ATP9A: variants seen among roughly 807,000 people sequenced by gnomAD.
ATP9A encodes ATPase phospholipid transporting 9A, also known as probable phospholipid-transporting ATPase IIA.
ATP9A carries 52 observed loss-of-function variants against 144.1 expected under a neutral mutation model. The observed-to-expected ratio is 0.36, with a 90% CI of 0.29 to 0.45. ATP9A has a LOEUF of 0.45. Among genes scored for constraint, ATP9A ranks in the 20% least tolerant of loss-of-function variants. ATP9A has a pLI of 1.00. For missense variants in ATP9A, 947 were observed against 1,392.7 expected (o/e 0.68, Z 5.09); for synonymous variants, 582 against 557.4 (o/e 1.04, Z -0.62).
chr20:51,651,893 G>T (rs1324966333), intron 14 of ATP9A, among the ~76,000 whole-genome samples: 1 of 151,978 alleles, frequency 6.6e-6, no homozygotes, highest in East Asian at 1.9e-4. Flanking sequence ...CACACCACTG[G>T]GCGACAGAGC....
At chr20:51,657,206 AG>A in intron 13 of ATP9A, 56 bp from the exon 14 acceptor site, 3 of 1,479,820 alleles carry the variant, frequency 2.0e-6, no homozygotes, top group Non-Finnish European at 2.8e-6. Flanking sequence ...TGATTTGGAG[AG>A]TGGAAGAACA....
chr20:51,679,701 G>A (rs1004985426), intron 9 of ATP9A, among the ~76,000 whole-genome samples: 1 of 152,164 alleles, frequency 6.6e-6, no homozygotes, highest in African/African-American at 2.4e-5. Context: ...AAAAGGCCAA[G>A]AGGTCATGGT....
chr20:51,767,527 G>A (rs996423163), intron 1 of ATP9A, among the ~76,000 whole-genome samples: 3 of 152,030 alleles, frequency 2.0e-5, no homozygotes, highest in Admixed American at 1.3e-4. Flanking sequence ...ATACCAACCC[G>A]TCCCCTCTTC....
rs561050592 is a variant in ATP9A, at chr20:51,673,478, C to T, written c.1037+675G>A. The stretch of plus-strand genomic sequence containing the variant: ...TTTCATTGCACACCTACAGCAGACA[C>T]TGCTGTCAATCACAACACCATTTCC... On this transcript the variant is annotated intron_variant, in intron 11 of 27. Transcript: ENST00000338821. Among the ~76,000 whole-genome samples the T allele has an allele frequency of 4.6e-5, 7 of 152,308 alleles. No individual in the cohort carries two copies. The South Asian group carries it at 1.4e-3, about 32-fold the overall frequency.
At chr20:51,658,476 C>G (rs1352053861) in intron 13 of ATP9A, among the ~76,000 whole-genome samples, 2 of 151,020 alleles carry the variant, frequency 1.3e-5, no homozygotes, top group Non-Finnish European at 2.9e-5. Flanking sequence ...CAGCCTGCAG[C>G]TCCGTTCCTC....
At chr20:51,702,365 CGT>C (rs10578719) in intron 4 of ATP9A, among the ~76,000 whole-genome samples, 24,067 of 129,968 alleles carry the variant, frequency 0.19, 2,150 homozygotes, top group East Asian at 0.32. Context: ...TGTGTGTGTT[CGT>C]GTGTGTGTGT....
chr20:51,648,120 A>G (rs1033063340), intron 14 of ATP9A, among the ~76,000 whole-genome samples: 1 of 152,216 alleles, frequency 6.6e-6, no homozygotes, highest in African/African-American at 2.4e-5. Context: ...ATTCATGCAC[A>G]CATCTGAATG....
chr20:51,681,564 G>A (rs761505220), intron 9 of ATP9A, among the ~76,000 whole-genome samples: 6 of 151,844 alleles, frequency 4.0e-5, no homozygotes, highest in Non-Finnish European at 7.4e-5. Context: ...TGGGACTACA[G>A]GTGCACGCTA....
intron 15 of ATP9A, among the ~76,000 whole-genome samples, chr20:51,639,019 A>G (rs2426332): frequency 0.46 from 70,465 of 151,824 alleles, 17,813 homozygotes; most frequent in East Asian, 0.8. Context: ...TAAAATGATT[A>G]TATTATGTGA....
intron 17 of ATP9A, among the ~76,000 whole-genome samples, chr20:51,626,082 C>T (rs1450048324): frequency 6.6e-6 from 1 of 152,208 alleles, no homozygotes; most frequent in Non-Finnish European, 1.5e-5. Context: ...GCACCAGAGA[C>T]ACGGCAGTAA....
At chr20:51,718,068 A>AC (rs915919287) in intron 3 of ATP9A, among the ~76,000 whole-genome samples, 16 of 152,148 alleles carry the variant, frequency 1.1e-4, no homozygotes, top group South Asian at 2.1e-4. Context: ...TCATGTCTGT[A>AC]CCCCAAGACA....
At chr20:51,753,681 T>C (rs2077843214) in intron 1 of ATP9A, among the ~76,000 whole-genome samples, 2 of 143,248 alleles carry the variant, frequency 1.4e-5, no homozygotes, top group South Asian at 4.4e-4. Flanking sequence ...TTTTTTTTTT[T>C]AATGAGACTG....
intron 14 of ATP9A, among the ~76,000 whole-genome samples, chr20:51,650,463 G>A (rs1256165700): frequency 6.6e-6 from 1 of 151,326 alleles, no homozygotes; most frequent in East Asian, 1.9e-4. Context: ...GAACCCAGGA[G>A]ACGGAGGTTG....
At chr20:51,626,175 C>T (rs899094171) in intron 17 of ATP9A, among the ~76,000 whole-genome samples, 1 of 152,154 alleles carries the variant, frequency 6.6e-6, no homozygotes, top group Non-Finnish European at 1.5e-5. Context: ...TGGTTCAACC[C>T]CAACATTTTT....
chr20:51,686,329 C>T lies in ATP9A; in HGVS notation c.799+2735G>A, dbSNP rs557111577. Among the ~76,000 whole-genome samples, 10 of 149,338 alleles carry T rather than the reference C, an allele frequency of 6.7e-5. No homozygotes were observed. The East Asian group carries it at 1.8e-3, about 26-fold the overall frequency. On this transcript the variant is annotated intron_variant, in intron 9 of 27. Coordinates refer to ENST00000338821, the MANE Select transcript of ATP9A (RefSeq NM_006045.3). ...TGTATACAAATGTAACAAACCTGCA[C>T]GTTGTGCACATGTACCCTAGAACTT...
chr20:51,763,296 T>TA (rs369382559), intron 1 of ATP9A, among the ~76,000 whole-genome samples: 9 of 151,116 alleles, frequency 6.0e-5, no homozygotes, highest in East Asian at 5.9e-4. Context: ...GGTTTTTTTT[T>TA]AATCAATGGT....
chr20:51,599,120 C>T lies in ATP9A; in HGVS notation c.*2091G>A, dbSNP rs2077131631. ...ATCTTCATTCTGCTTCTGCTGGAAA[C>T]CTCTAAAACTTTCTGACGAGGCTCC... On this transcript the variant is annotated 3_prime_UTR_variant, in exon 28 of 28. Coordinates refer to ENST00000338821, the MANE Select transcript of ATP9A (RefSeq NM_006045.3). The T allele has an allele frequency of 6.6e-6, 1 of 152,222 alleles. No homozygotes were observed. The highest frequency in any genetic ancestry group is 6.5e-5 in the Admixed American group (1 of 15,282). 9.4% of individuals were successfully genotyped at this position (152,222 alleles called of 1,614,324 possible). A position where few individuals can be genotyped will look rare whatever the true frequency, so the allele number is the denominator to read the frequency against.
chr20:51,602,010 C>T (rs1366773235), intron 27 of ATP9A, among the ~76,000 whole-genome samples: 6 of 152,166 alleles, frequency 3.9e-5, no homozygotes, highest in South Asian at 2.1e-4. Context: ...TTCTAAGTCC[C>T]GGCCACTGGC....
rs377126032 is a variant in ATP9A at position 51,628,952 on chromosome 20, C to T, written c.1761+28G>A. ...CCTCTGCAGAACATGCTTCCAAGGC[C>T]TGGTTTAACTTCCTGCATCACACTT... On this transcript the variant is annotated intron_variant, in intron 16 of 27. Transcript: ENST00000338821. The T allele has an allele frequency of 1.6e-5, 26 of 1,588,878 alleles. No individual in the cohort carries two copies. In the African/African-American group the frequency reaches 3.5e-4, roughly 21 times the overall value.
Sources: gnomAD v4.1 joint callset for allele counts (sites outside exome capture counted in the v4.1 genomes callset) on GRCh38, gnomAD v4.1.1 for gene constraint, MANE v1.5 for transcripts, NCBI Gene and HGNC (gene_info 2026-07-23, HGNC 2026-07-21) for gene names.